The following LRRTM4 variants were observed in gnomAD, a reference collection of about 807,000 sequenced individuals.
LRRTM4 encodes leucine rich repeat transmembrane neuronal 4.
In LRRTM4, 25 loss-of-function variants were observed where a neutral mutation model predicts 47.6. That is an observed-to-expected ratio of 0.53 (90% CI 0.38 to 0.73). LRRTM4 has a LOEUF of 0.73. Ranked by LOEUF, LRRTM4 falls within the 30% of genes least tolerant of loss-of-function variation. LRRTM4 has a pLI of 0.00. For synonymous variants in LRRTM4, 311 were observed against 269.5 expected (o/e 1.15, Z -1.51); for missense variants, 638 against 713.4 (o/e 0.89, Z 1.20).
intron 3 of LRRTM4, among the ~76,000 whole-genome samples, chr2:77,315,287 T>A (rs1468346540): frequency 6.6e-6 from 1 of 152,182 alleles, no homozygotes; most frequent in Non-Finnish European, 1.5e-5. Flanking sequence ...ACTGATAAAG[T>A]GTCAAAATGA....
At chr2:76,830,091 G>GA (rs200723822) in intron 3 of LRRTM4, among the ~76,000 whole-genome samples, 192 of 151,232 alleles carry the variant, frequency 1.3e-3, no homozygotes, top group East Asian at 3.1e-3. Context: ...TTCCCCAACA[G>GA]AAAAAAAACA....
chr2:77,397,125 T>C (rs1368560439), intron 3 of LRRTM4, among the ~76,000 whole-genome samples: 4 of 151,914 alleles, frequency 2.6e-5, no homozygotes. Flanking sequence ...CAGATTTCTT[T>C]TTACATGCAT....
intron 3 of LRRTM4, among the ~76,000 whole-genome samples, chr2:77,179,644 G>C (rs1376783236): frequency 6.6e-6 from 1 of 152,014 alleles, no homozygotes; most frequent in Non-Finnish European, 1.5e-5. Flanking sequence ...AAAAAAATTA[G>C]ACCATAAAAC....
chr2:77,083,659 G>C lies in LRRTM4; in HGVS notation c.1552-334743C>G, dbSNP rs1259919912. ...GTAGTTTTCTACTTCATGATGAACAGTTAGTAAAGATCAATTATTCTAATG... is the reference window on the plus strand; with the variant it reads ...GTAGTTTTCTACTTCATGATGAACACTTAGTAAAGATCAATTATTCTAATG... On this transcript the variant is annotated intron_variant, in intron 3 of 3. Transcript: ENST00000409884. 1.1e-4 allele frequency among the ~76,000 whole-genome samples: 17 copies of C among 151,858 alleles called. No homozygotes were observed. The East Asian group carries it at 3.3e-3, about 29-fold the overall frequency.
intron 3 of LRRTM4, among the ~76,000 whole-genome samples, chr2:76,763,738 T>A (rs1673349032): frequency 2.0e-5 from 3 of 152,164 alleles, no homozygotes; most frequent in Admixed American, 2.0e-4. Flanking sequence ...AGAAAAATAC[T>A]AGGTTGTCAT....
intron 3 of LRRTM4, among the ~76,000 whole-genome samples, chr2:77,096,334 A>G (rs533131898): frequency 5.5e-4 from 84 of 151,936 alleles, no homozygotes; most frequent in Middle Eastern, 3.8e-3. Context: ...TTATGAGGGT[A>G]AAATAAGGAT....
chr2:76,871,717 C>G (rs949829893), intron 3 of LRRTM4, among the ~76,000 whole-genome samples: 1 of 152,284 alleles, frequency 6.6e-6, no homozygotes, highest in Admixed American at 6.5e-5. Flanking sequence ...TGCTGTATTA[C>G]ATACAATTGT....
intron 3 of LRRTM4, among the ~76,000 whole-genome samples, chr2:77,378,633 T>C (rs1227977530): frequency 1.3e-5 from 2 of 152,166 alleles, no homozygotes; most frequent in Non-Finnish European, 2.9e-5. Context: ...GAGGTAAAAG[T>C]CTCCTGCTGT....
chr2:77,099,143 C>T (rs1044421277), intron 3 of LRRTM4, among the ~76,000 whole-genome samples: 1 of 151,794 alleles, frequency 6.6e-6, no homozygotes, highest in Admixed American at 6.6e-5. Flanking sequence ...GAGATTGATA[C>T]AAGAATGTTC....
chr2:76,797,010 G>T (rs958335040), intron 3 of LRRTM4, among the ~76,000 whole-genome samples: 2 of 152,052 alleles, frequency 1.3e-5, no homozygotes, highest in Non-Finnish European at 2.9e-5. Context: ...GAAAGTGATG[G>T]GGAGAATGCA....
In LRRTM4 at chr2:76,904,307, G is replaced by A. The variant is rs556010604; in HGVS notation, c.1552-155391C>T. 2.0e-5 allele frequency among the ~76,000 whole-genome samples: 3 copies of A among 152,264 alleles called. 1 individual carries two copies. In the South Asian group the frequency reaches 6.2e-4, roughly 32 times the overall value. On this transcript the variant is annotated intron_variant, in intron 3 of 3. Coordinates refer to ENST00000409884, the MANE Select transcript of LRRTM4 (RefSeq NM_001134745.3). ...CCACGTTTTTTAAAGAGTAGAAAAT[G>A]AACAACCTTTACTGACCACACCAGA... is the stretch of plus-strand genomic sequence containing the variant.
chr2:77,118,188 C>T (rs1671437367), intron 3 of LRRTM4, among the ~76,000 whole-genome samples: 1 of 151,618 alleles, frequency 6.6e-6, no homozygotes, highest in African/African-American at 2.4e-5. Flanking sequence ...GTAGAGACGT[C>T]ACCACTGAGA....
At chr2:77,499,050 C>A (rs1338618293) in intron 3 of LRRTM4, among the ~76,000 whole-genome samples, 1 of 151,816 alleles carries the variant, frequency 6.6e-6, no homozygotes, top group East Asian at 1.9e-4. Flanking sequence ...CTCTCCAAGA[C>A]CAGGTTTTAT....
chr2:76,931,788 A>C (rs189360324), intron 3 of LRRTM4, among the ~76,000 whole-genome samples: 1 of 152,120 alleles, frequency 6.6e-6, no homozygotes, highest in African/African-American at 2.4e-5. Context: ...ATATTTTGCT[A>C]CCAACCATAC....
At chr2:76,795,074 C>A (rs1047081385) in intron 3 of LRRTM4, among the ~76,000 whole-genome samples, 1 of 151,502 alleles carries the variant, frequency 6.6e-6, no homozygotes, top group African/African-American at 2.4e-5. Context: ...GTAAAAATAC[C>A]TTTAACATAG....
At chr2:77,150,022 T>G (rs1573011319) in intron 3 of LRRTM4, among the ~76,000 whole-genome samples, 1 of 152,154 alleles carries the variant, frequency 6.6e-6, no homozygotes, top group African/African-American at 2.4e-5. Context: ...AATTTGTACA[T>G]GACTACTGTT....
chr2:77,112,935 A>C (rs1671288894), intron 3 of LRRTM4, among the ~76,000 whole-genome samples: 1 of 152,110 alleles, frequency 6.6e-6, no homozygotes, highest in South Asian at 2.1e-4. Context: ...ACGAGGGAGA[A>C]TTTCTTGAGC....
Position 76,807,398 on chromosome 2 carries a change from ATG to A in LRRTM4, c.1552-58484_1552-58483del, listed in dbSNP as rs1196798065. On this transcript the variant is annotated intron_variant, in intron 3 of 3. Transcript: ENST00000409884. The stretch of plus-strand genomic sequence containing the variant: ...ACATTCATTTTATATATATATATAT[ATG>A]TATATACGTATATATATATATATAC... Among the ~76,000 whole-genome samples the A allele has an allele frequency of 1.9e-3, 211 of 113,016 alleles. 3 individuals are homozygous for A. The highest frequency in any genetic ancestry group is 5.7e-3 in the Admixed American group (56 of 9,856). 74.1% of individuals were successfully genotyped at this position (113,016 alleles called of 152,430 possible). A position where few individuals can be genotyped will look rare whatever the true frequency, so the allele number is the denominator to read the frequency against.
At chr2:77,480,006 A>G (rs984491482) in intron 3 of LRRTM4, among the ~76,000 whole-genome samples, 4 of 152,184 alleles carry the variant, frequency 2.6e-5, no homozygotes, top group African/African-American at 9.7e-5. Flanking sequence ...CTCTCAGCCT[A>G]ATTTGGCATG....
Sources: allele counts gnomAD v4.1 joint callset (sites outside exome capture counted in the v4.1 genomes callset), GRCh38; gene constraint gnomAD v4.1.1; transcripts MANE v1.5; gene names NCBI Gene and HGNC (gene_info 2026-07-23, HGNC 2026-07-21).